GABRA2: variants seen among roughly 807,000 people sequenced by gnomAD.
GABRA2 encodes gamma-aminobutyric acid receptor subunit alpha-2.
In GABRA2, 16 loss-of-function variants were observed where a neutral mutation model predicts 48.7. That is an observed-to-expected ratio of 0.33 (90% CI 0.22 to 0.50). The LOEUF (loss-of-function observed/expected upper bound fraction) is 0.50, where lower values mean the gene tolerates loss of function less well. Ranked by LOEUF, GABRA2 falls within the 20% of genes least tolerant of loss-of-function variation. The pLI is 0.98. For synonymous variants in GABRA2, 185 were observed against 184.5 expected (o/e 1.00, Z -0.02); for missense variants, 275 against 535.6 (o/e 0.51, Z 4.80).
At chr4:46,326,164 A>C (rs532632253) in intron 4 of GABRA2, among the ~76,000 whole-genome samples, 3 of 151,990 alleles carry the variant, frequency 2.0e-5, no homozygotes, top group Non-Finnish European at 4.4e-5. Context: ...TTTTTACAAA[A>C]GAATGGGGAG....
intron 8 of GABRA2, among the ~76,000 whole-genome samples, chr4:46,262,637 C>T (rs962088514): frequency 1.3e-5 from 2 of 152,090 alleles, no homozygotes; most frequent in South Asian, 2.1e-4. Flanking sequence ...TGGTGGCTCA[C>T]GCCTGTAATC....
At position 46,384,089 on chromosome 4, in the gene GABRA2, A is replaced by G. The variant is rs111801206; in HGVS notation, c.187+1985T>C. 9.1e-3 allele frequency among the ~76,000 whole-genome samples: 1,392 copies of G among 152,332 alleles called. 7 individuals are homozygous for G. The highest frequency in any genetic ancestry group is 0.014 in the Non-Finnish European group (963 of 68,024). ...GTAACTATATCACAGCCACAGAAAC[A>G]GAGGTGATATGGCCAAGGCACAGCT... On this transcript the variant is annotated intron_variant, in intron 3 of 9. Transcript: ENST00000381620.
intron 8 of GABRA2, among the ~76,000 whole-genome samples, chr4:46,276,455 T>C (rs1419008745): frequency 6.6e-6 from 1 of 152,112 alleles, no homozygotes; most frequent in Admixed American, 6.6e-5. Context: ...TCTGAAATCC[T>C]TCTATAAGCA....
intron 3 of GABRA2, among the ~76,000 whole-genome samples, chr4:46,373,742 A>G (rs1019265822): frequency 2.9e-4 from 44 of 152,302 alleles, no homozygotes; most frequent in African/African-American, 9.9e-4. Flanking sequence ...TTACAATGTA[A>G]GCCTGCCCCA....
intron 8 of GABRA2, among the ~76,000 whole-genome samples, chr4:46,288,437 C>T (rs1266634419): frequency 6.6e-6 from 1 of 152,084 alleles, no homozygotes; most frequent in African/African-American, 2.4e-5. Flanking sequence ...TGATCTTCGA[C>T]AAACCTGACA....
intron 5 of GABRA2, among the ~76,000 whole-genome samples, chr4:46,310,748 T>C (rs1036315982): frequency 6.6e-6 from 1 of 152,298 alleles, no homozygotes; most frequent in Admixed American, 6.5e-5. Context: ...GCTATACATA[T>C]AGTGCTAGAT....
intron 3 of GABRA2, among the ~76,000 whole-genome samples, chr4:46,372,454 A>T (rs2110005285): frequency 6.6e-6 from 1 of 152,300 alleles, no homozygotes; most frequent in East Asian, 1.9e-4. Flanking sequence ...TGAGGTGACA[A>T]GCATAAAGAG....
At chr4:46,287,787 A>AT (rs1372578435) in intron 8 of GABRA2, among the ~76,000 whole-genome samples, 3 of 151,762 alleles carry the variant, frequency 2.0e-5, no homozygotes, top group Admixed American at 6.6e-5. Flanking sequence ...AATAATAATA[A>AT]AAAAAAAGAA....
Position 46,335,912 on chromosome 4 carries a change from C to T in GABRA2, c.188-3230G>A, listed in dbSNP as rs74578621. 4.6e-4 allele frequency among the ~76,000 whole-genome samples: 70 copies of T among 152,244 alleles called. No individual in the cohort carries two copies. In the East Asian group the frequency reaches 0.012, roughly 27 times the overall value. On this transcript the variant is annotated intron_variant, in intron 3 of 9. Coordinates refer to ENST00000381620, the MANE Select transcript of GABRA2 (RefSeq NM_000807.4). ...ATGGTCTCTCTTCAGAGCAGGAGTT[C>T]ACAAACCTCTATGTAATGTAAGCCC... is the stretch of plus-strand genomic sequence containing the variant.
Position 46,250,388 on chromosome 4 carries a change from G to A in GABRA2, c.1276C>T (p.Pro426Ser), listed in dbSNP as rs754301188. Residue 426 changes from proline (P) to serine (S), a missense_variant, in exon 10 of 10, where the codon CCA (proline) becomes TCA (serine). Physicochemically the swap from Pro to Ser is moderately conservative, Grantham distance 74. Around this residue, in one of 4 missense-constraint regions of GABRA2, gnomAD observed 99 missense variants for 124.3 expected, o/e 0.80. Transcript: ENST00000381620. The part of the protein sequence containing the change: ...KIDRMSRIVF[P>S]VLFGTFNLVY... ...AAATTAAAGGTACCAAACAAAACTG[G>A]AAAAACTATTCTGGACATTCTGTCA... The A allele has an allele frequency of 6.2e-7, 1 of 1,611,556 alleles. No homozygotes were observed. Among genetic ancestry groups the A allele is most frequent in the South Asian group, 1.1e-5 (1 of 91,012 alleles).
intron 3 of GABRA2, among the ~76,000 whole-genome samples, chr4:46,376,677 G>A (rs547977751): frequency 5.1e-4 from 77 of 152,164 alleles, no homozygotes; most frequent in African/African-American, 1.8e-3. Flanking sequence ...ACTTGAAGCC[G>A]AGAGTTCAAG....
At chr4:46,361,502 C>T (rs900566637) in intron 3 of GABRA2, among the ~76,000 whole-genome samples, 7 of 152,220 alleles carry the variant, frequency 4.6e-5, no homozygotes, top group African/African-American at 1.2e-4. Flanking sequence ...CCTAGATGTC[C>T]AGGCAGAAGT....
intron 8 of GABRA2, among the ~76,000 whole-genome samples, chr4:46,273,382 G>T (rs1225795356): frequency 7.0e-6 from 1 of 142,092 alleles, no homozygotes. Flanking sequence ...CTCTCCCTCT[G>T]TGTGTGTGTG....
At chr4:46,266,398 G>T (rs1477894924) in intron 8 of GABRA2, among the ~76,000 whole-genome samples, 2 of 147,944 alleles carry the variant, frequency 1.4e-5, no homozygotes, top group African/African-American at 4.9e-5. Flanking sequence ...TTTTATTTTA[G>T]TTTTGATGAG....
At position 46,351,298 on chromosome 4, in the gene GABRA2, T is replaced by C. The variant is rs191791549; in HGVS notation, c.188-18616A>G. On this transcript the variant is annotated intron_variant, in intron 3 of 9. Transcript: ENST00000381620. ...GAAGAAATTTAACAAAGAAATTCACTAGACGGGAGAGAGATGAAAGGATGA... is the reference window on the plus strand; with the variant it reads ...GAAGAAATTTAACAAAGAAATTCACCAGACGGGAGAGAGATGAAAGGATGA... Among the ~76,000 whole-genome samples the C allele has an allele frequency of 1.9e-3, 283 of 152,078 alleles. 1 individual carries two copies. The highest frequency in any genetic ancestry group is 6.1e-3 in the African/African-American group (253 of 41,520).
chr4:46,385,103 AT>A (rs1717270080), intron 3 of GABRA2, among the ~76,000 whole-genome samples: 3 of 138,500 alleles, frequency 2.2e-5, no homozygotes, highest in Admixed American at 2.2e-4. Flanking sequence ...ATATATATAT[AT>A]ATATAAACAA....
At chr4:46,269,821 AAATT>A (rs1315699719) in intron 8 of GABRA2, among the ~76,000 whole-genome samples, 2 of 151,906 alleles carry the variant, frequency 1.3e-5, no homozygotes, top group Non-Finnish European at 2.9e-5. Context: ...TTATTTATGA[AAATT>A]AATACTGAGG....
chr4:46,281,109 T>A lies in GABRA2; in HGVS notation c.857-18981A>T, dbSNP rs139901088. Among the ~76,000 whole-genome samples, 122 of 152,210 alleles carry A rather than the reference T, an allele frequency of 8.0e-4. 1 individual carries two copies. In the East Asian group the frequency reaches 0.017, roughly 22 times the overall value. On this transcript the variant is annotated intron_variant, in intron 8 of 9. Transcript: ENST00000381620. ...GACATGCAGTAATCCAAAGGAGATATGATAGTGGTTCAGTCTAGGGTATGA... is the reference window on the plus strand; with the variant it reads ...GACATGCAGTAATCCAAAGGAGATAAGATAGTGGTTCAGTCTAGGGTATGA...
chr4:46,355,661 C>T (rs1365791596), intron 3 of GABRA2, among the ~76,000 whole-genome samples: 1 of 152,094 alleles, frequency 6.6e-6, no homozygotes. Context: ...TGCTAAAGAT[C>T]CTGCCAAGCA....
Sources: gnomAD v4.1 joint callset for allele counts (sites outside exome capture counted in the v4.1 genomes callset) on GRCh38, gnomAD v4.1.1 for gene constraint, gnomAD v4.1.1 regional missense constraint, MANE v1.5 for transcripts, NCBI Gene and HGNC (gene_info 2026-07-23, HGNC 2026-07-21) for gene names.